The following ZFAND3 variants were observed in gnomAD, a reference collection of about 807,000 sequenced individuals.
ZFAND3 encodes zinc finger AN1-type containing 3.
ZFAND3 carries 10 observed loss-of-function variants against 29.6 expected under a neutral mutation model. The ratio of observed to expected loss-of-function variants is 0.34; its 90% confidence interval spans 0.21 to 0.57. The LOEUF (loss-of-function observed/expected upper bound fraction) is 0.57, where lower values mean the gene tolerates loss of function less well. Among genes scored for constraint, ZFAND3 ranks in the 20% least tolerant of loss-of-function variants. ZFAND3 has a pLI of 0.86. For synonymous variants in ZFAND3, 128 were observed against 112.6 expected, an observed-to-expected ratio of 1.14 and a Z score of -0.87; for missense variants, 230 against 304.5, an observed-to-expected ratio of 0.76 and a Z score of 1.82.
intron 2 of ZFAND3, among the ~76,000 whole-genome samples, chr6:37,948,909 A>C (rs561121870): frequency 6.6e-6 from 1 of 152,204 alleles, no homozygotes; most frequent in African/African-American, 2.4e-5. Flanking sequence ...TAGTGCTGCA[A>C]TGAACATATA....
intron 1 of ZFAND3, among the ~76,000 whole-genome samples, chr6:37,918,378 G>A (rs1581760518): frequency 6.6e-6 from 1 of 152,036 alleles, no homozygotes; most frequent in African/African-American, 2.4e-5. Flanking sequence ...CCTGGCCTGT[G>A]TAGATGTCTT....
chr6:37,996,125 A>C (rs1762845025), intron 2 of ZFAND3, among the ~76,000 whole-genome samples: 2 of 151,040 alleles, frequency 1.3e-5, no homozygotes, highest in African/African-American at 4.9e-5. Flanking sequence ...GCGAAACTCC[A>C]TTTCAAAAAA....
At chr6:38,001,913 T>A (rs1167161981) in intron 2 of ZFAND3, among the ~76,000 whole-genome samples, 1 of 151,922 alleles carries the variant, frequency 6.6e-6, no homozygotes, top group East Asian at 2.0e-4. Context: ...TCTTTTAGTC[T>A]TTTCTTTTAG....
chr6:38,051,424 C>T (rs1764023635), intron 2 of ZFAND3, among the ~76,000 whole-genome samples: 2 of 152,088 alleles, frequency 1.3e-5, no homozygotes, highest in Middle Eastern at 3.2e-3. Flanking sequence ...CATTTAAAGC[C>T]TTAGGTCTGG....
intron 2 of ZFAND3, among the ~76,000 whole-genome samples, chr6:38,056,731 G>A (rs1163244275): frequency 6.6e-6 from 1 of 152,174 alleles, no homozygotes; most frequent in Non-Finnish European, 1.5e-5. Flanking sequence ...CAGTCCCTGG[G>A]ACTTCACTTT....
chr6:37,965,388 A>T (rs773134385), intron 2 of ZFAND3, among the ~76,000 whole-genome samples: 1 of 152,146 alleles, frequency 6.6e-6, no homozygotes, highest in Admixed American at 6.5e-5. Flanking sequence ...GTCAGAATAT[A>T]TATGCGCACA....
chr6:38,109,399 G>T (rs915105941), intron 4 of ZFAND3, among the ~76,000 whole-genome samples: 6 of 151,982 alleles, frequency 3.9e-5, no homozygotes, highest in Non-Finnish European at 8.8e-5. Flanking sequence ...GGCCAGGATG[G>T]TCTCAATCCC....
At chr6:38,145,286 C>A (rs866223104) in intron 5 of ZFAND3, among the ~76,000 whole-genome samples, 1 of 152,250 alleles carries the variant, frequency 6.6e-6, no homozygotes, top group Non-Finnish European at 1.5e-5. Context: ...ACACAGAACA[C>A]ACACCCAGCC....
chr6:38,048,277 A>G (rs1442625901), intron 2 of ZFAND3, among the ~76,000 whole-genome samples: 1 of 151,988 alleles, frequency 6.6e-6, no homozygotes, highest in Non-Finnish European at 1.5e-5. Flanking sequence ...TGCTAGGATT[A>G]CAGGCATGAG....
intron 1 of ZFAND3, among the ~76,000 whole-genome samples, chr6:37,843,939 A>G (rs1764127413): frequency 6.6e-6 from 1 of 151,300 alleles, no homozygotes; most frequent in African/African-American, 2.4e-5. Context: ...TTTTGGGGGG[A>G]CAGAGTCTCA....
intron 1 of ZFAND3, among the ~76,000 whole-genome samples, chr6:37,825,853 GATT>G (rs1475409928): frequency 6.6e-6 from 1 of 152,126 alleles, no homozygotes; most frequent in South Asian, 2.1e-4. Flanking sequence ...GTATATAAAA[GATT>G]ATTTATTTAG....
chr6:37,852,309 A>C (rs1276275993), intron 1 of ZFAND3, among the ~76,000 whole-genome samples: 4 of 152,208 alleles, frequency 2.6e-5, no homozygotes, highest in Non-Finnish European at 4.4e-5. Context: ...GCATCTATTC[A>C]GTAGAGGCCA....
chr6:37,890,978 C>G (rs1010843056), intron 1 of ZFAND3, among the ~76,000 whole-genome samples: 2 of 152,218 alleles, frequency 1.3e-5, no homozygotes, highest in Non-Finnish European at 2.9e-5. Flanking sequence ...TCAGAAACAA[C>G]TTTATCGAAA....
chr6:37,965,106 A>G (rs1202245728), intron 2 of ZFAND3, among the ~76,000 whole-genome samples: 2 of 152,238 alleles, frequency 1.3e-5, no homozygotes, highest in Non-Finnish European at 2.9e-5. Flanking sequence ...AAAGTACAAT[A>G]AAAATAACTT....
chr6:37,944,458 T>C (rs960686728), intron 2 of ZFAND3, among the ~76,000 whole-genome samples: 1 of 152,164 alleles, frequency 6.6e-6, no homozygotes, highest in Non-Finnish European at 1.5e-5. Flanking sequence ...GACAAAATTC[T>C]TTTCTCAAAA....
At chr6:37,918,951 C>CCTTTTTTT (rs1761318673) in intron 1 of ZFAND3, among the ~76,000 whole-genome samples, 3 of 104,726 alleles carry the variant, frequency 2.9e-5, no homozygotes, top group African/African-American at 1.2e-4. Context: ...TGAAAAATGC[C>CCTTTTTTT]TTTTTTTTTT....
chr6:37,961,622 T>G (rs948102205), intron 2 of ZFAND3, among the ~76,000 whole-genome samples: 7 of 152,236 alleles, frequency 4.6e-5, no homozygotes, highest in African/African-American at 1.2e-4. Context: ...AGTACTTGTG[T>G]CAGTCCATCC....
At chr6:38,112,206 A>G (rs1765333986) in intron 4 of ZFAND3, among the ~76,000 whole-genome samples, 1 of 152,206 alleles carries the variant, frequency 6.6e-6, no homozygotes, top group South Asian at 2.1e-4. Flanking sequence ...GAGTACCAAG[A>G]GTTGTGAACG....
chr6:37,897,949 C>T (rs1480104906), intron 1 of ZFAND3, among the ~76,000 whole-genome samples: 1 of 152,178 alleles, frequency 6.6e-6, no homozygotes, highest in African/African-American at 2.4e-5. Context: ...CACACACACA[C>T]CCCATGTATG....
Sources: allele counts gnomAD v4.1 joint callset (sites outside exome capture counted in the v4.1 genomes callset), GRCh38; gene constraint gnomAD v4.1.1; transcripts MANE v1.5; gene names NCBI Gene and HGNC (gene_info 2026-07-23, HGNC 2026-07-21).